ARFGEF1: variants seen among roughly 807,000 people sequenced by gnomAD.
The protein encoded by ARFGEF1 is brefeldin A-inhibited guanine nucleotide-exchange protein 1.
A neutral mutation model predicts 231.0 loss-of-function variants in ARFGEF1; 42 were observed. The observed-to-expected ratio is 0.18, with a 90% CI of 0.14 to 0.24. The LOEUF is 0.24. ARFGEF1 is among the 10% of genes least tolerant of loss of function. The pLI, the probability that ARFGEF1 is intolerant of heterozygous loss-of-function variation, is 1.00. For missense variants in ARFGEF1, 1,345 were observed against 2,192.0 expected, an observed-to-expected ratio of 0.61 and a Z score of 7.72; for synonymous variants, 710 against 732.3, an observed-to-expected ratio of 0.97 and a Z score of 0.49.
chr8:67,275,859 A>ATTT, intron 9 of ARFGEF1, 117 bp downstream of exon 9: 1 of 1,271,122 alleles, frequency 7.9e-7, no homozygotes, highest in Non-Finnish European at 1.1e-6. Flanking sequence ...CCTCCACCCA[A>ATTT]TTTTTTTTTA....
chr8:67,295,252 G>A lies in ARFGEF1; in HGVS notation c.639+1179C>T, dbSNP rs1222846230. Among the ~76,000 whole-genome samples the A allele has an allele frequency of 2.0e-5, 3 of 152,128 alleles. No individual in the cohort carries two copies. The East Asian group carries it at 5.8e-4, about 29-fold the overall frequency. On this transcript the variant is annotated intron_variant, in intron 5 of 38. Transcript: ENST00000262215. ...ACAGATATTAAAACTGAGCAAGTGA[G>A]GGGAGGATCTGAAGAGAAACAGTAT...
chr8:67,226,885 T>G (rs1336986027), intron 27 of ARFGEF1, among the ~76,000 whole-genome samples: 1 of 152,118 alleles, frequency 6.6e-6, no homozygotes, highest in Non-Finnish European at 1.5e-5. Context: ...AAAAAAGGGA[T>G]GGACAATAAT....
intron 5 of ARFGEF1, among the ~76,000 whole-genome samples, chr8:67,191,407 C>A (rs530745593): frequency 2.6e-5 from 4 of 152,288 alleles, no homozygotes; most frequent in African/African-American, 9.6e-5. Flanking sequence ...TTGCTATTAG[C>A]GTTATTATAT....
chr8:67,296,641 A>G, intron 4 of ARFGEF1, 31 bp from the exon 5 acceptor site: 1 of 1,533,322 alleles, frequency 6.5e-7, no homozygotes. Flanking sequence ...AAAGTTAAAG[A>G]GATTTTCTTT....
intron 4 of ARFGEF1, 75 bp downstream of exon 4, chr8:67,299,134 T>C (rs1806367405): frequency 7.7e-7 from 1 of 1,298,548 alleles, no homozygotes; most frequent in East Asian, 2.6e-5. Context: ...TCTTTCCTAA[T>C]GTTTTAAGGT....
In ARFGEF1 at chr8:67,266,877, A is replaced by T; in HGVS notation, c.1920T>A (p.Leu640=). ...TTACAGCTCAAAATATCACCTTACC[A>T]AGAGTTGTCTGGGAGTTGGGATTCA... is the stretch of plus-strand genomic sequence containing the variant. The part of the protein sequence containing the change: ...QYVNPNSQTT[L]GQEKPSEQEM... Residue 640 remains leucine, a splice_region_variant and synonymous_variant, in exon 13 of 39, where the codon CTT becomes CTA. Transcript: ENST00000262215. 2 of 1,610,224 alleles carry T rather than the reference A, an allele frequency of 1.2e-6. No homozygotes were observed. The highest frequency in any genetic ancestry group is 1.7e-6 in the Non-Finnish European group (2 of 1,177,580).
In ARFGEF1 at chr8:67,277,348, T is replaced by G. The variant is rs767508840; in HGVS notation, c.1137A>C (p.Pro379=). The change falls in exon 8 of 39, where the codon CCA becomes CCC. Residue 379 remains proline, a synonymous_variant. Transcript: ENST00000262215. ...AGGATGGTGTATATGCAACAGAAAT[T>G]GGTGTTCCTGGAATTCCATTTGCTT... ...NIQANGIPGT[P]ISVAYTPSLP... 6.2e-7 allele frequency: 1 copy of G among 1,613,632 alleles called. No individual in the cohort carries two copies. The highest frequency in any genetic ancestry group is 8.5e-7 in the Non-Finnish European group (1 of 1,179,810).
In ARFGEF1 at chr8:67,343,451, G is replaced by T. The variant is rs1362396551; in HGVS notation, c.-164C>A. The T allele has an allele frequency of 1.5e-6, 2 of 1,359,886 alleles. No individual in the cohort carries two copies. Among genetic ancestry groups the T allele is most frequent in the Non-Finnish European group, 1.9e-6 (2 of 1,053,182 alleles). The allele number at this position is 1,359,886 out of a possible 1,614,324, so 84.2% of individuals were successfully genotyped here. A position where few individuals can be genotyped will look rare whatever the true frequency, so the allele number is the denominator to read the frequency against. On this transcript the variant is annotated 5_prime_UTR_variant, in exon 1 of 39. Coordinates refer to ENST00000262215, the MANE Select transcript of ARFGEF1 (RefSeq NM_006421.5). Reference sequence around the variant, plus strand: ...GGATCAGGAAGGGGCGGGCGAGCGGGACCAGCCGCGGTGTCGGCGAAGGGC... The same window carrying T: ...GGATCAGGAAGGGGCGGGCGAGCGGTACCAGCCGCGGTGTCGGCGAAGGGC...
rs759567826 is a variant in ARFGEF1, at chr8:67,285,141, A to T, written c.1027+2814T>A. On this transcript the variant is annotated intron_variant, in intron 7 of 38. Coordinates refer to ENST00000262215, the MANE Select transcript of ARFGEF1 (RefSeq NM_006421.5). ...GTGGGAGAGCTCTTCTCTATAGAAA[A>T]ATGTCAATGAATGTTAAGAATTAGA... 2.9e-4 allele frequency among the ~76,000 whole-genome samples: 44 copies of T among 152,100 alleles called. 1 individual carries two copies. The highest frequency in any genetic ancestry group is 4.4e-5 in the Non-Finnish European group (3 of 68,010).
At chr8:67,334,062 G>C (rs995894989) in intron 1 of ARFGEF1, among the ~76,000 whole-genome samples, 3 of 151,162 alleles carry the variant, frequency 2.0e-5, no homozygotes, top group African/African-American at 7.3e-5. Context: ...CTTGAACCTG[G>C]GAAGCGGAAG....
At chr8:67,337,736 T>C (rs1444907814) in intron 1 of ARFGEF1, among the ~76,000 whole-genome samples, 1 of 152,218 alleles carries the variant, frequency 6.6e-6, no homozygotes, top group African/African-American at 2.4e-5. Context: ...CAGATAGGAC[T>C]TTCCTGACAA....
intron 19 of ARFGEF1, among the ~76,000 whole-genome samples, chr8:67,242,505 T>TAAAGAGC (rs1405191665): frequency 6.6e-6 from 1 of 152,032 alleles, no homozygotes; most frequent in Non-Finnish European, 1.5e-5. Context: ...ACAGGATCCC[T>TAAAGAGC]TATTTGCTGA....
chr8:67,238,063 A>T (rs1213756450), intron 22 of ARFGEF1, among the ~76,000 whole-genome samples: 1 of 152,188 alleles, frequency 6.6e-6, no homozygotes, highest in African/African-American at 2.4e-5. Flanking sequence ...GCTTTCACAC[A>T]TTCAAGTTAC....
chr8:67,194,540 A>G (rs936104539), downstream of ARFGEF1, among the ~76,000 whole-genome samples: 2 of 152,190 alleles, frequency 1.3e-5, no homozygotes, highest in African/African-American at 4.8e-5. Context: ...TAACAGGAAT[A>G]TATTTGAGGG....
At chr8:67,299,929 A>T (rs975252505) in intron 3 of ARFGEF1, among the ~76,000 whole-genome samples, 2 of 152,080 alleles carry the variant, frequency 1.3e-5, no homozygotes, top group African/African-American at 4.8e-5. Flanking sequence ...AGCCTGCGCC[A>T]CTGCACTCCA....
At chr8:67,300,895 ATGG>A (rs1333621103) in intron 3 of ARFGEF1, among the ~76,000 whole-genome samples, 1 of 151,936 alleles carries the variant, frequency 6.6e-6, no homozygotes, top group Non-Finnish European at 1.5e-5. Flanking sequence ...TTATTTGCAA[ATGG>A]TGATGTATGT....
chr8:67,315,397 C>T (rs545600798), intron 1 of ARFGEF1, among the ~76,000 whole-genome samples: 24 of 152,210 alleles, frequency 1.6e-4, no homozygotes, highest in African/African-American at 4.8e-4. Context: ...CACCATCAAT[C>T]GGCAGGGTAT....
chr8:67,239,038 ACCCTGTC>A, intron 20 of ARFGEF1, 145 bp from the exon 21 acceptor site: 1 of 644,698 alleles, frequency 1.6e-6, no homozygotes, highest in Non-Finnish European at 2.3e-6. Context: ...ACAGAGTCTC[ACCCTGTC>A]GCCCAGGCTG....
chr8:67,329,089 GCTGGCATGTGCCTGTAATCCCA>G (rs1323899295), intron 1 of ARFGEF1, among the ~76,000 whole-genome samples: 1 of 152,026 alleles, frequency 6.6e-6, no homozygotes, highest in African/African-American at 2.4e-5. Context: ...AGCCAGGCAT[GCTGGCATGTGCCTGTAATCCCA>G]GCTACCTGGG....
Sources: allele counts gnomAD v4.1 joint callset (sites outside exome capture counted in the v4.1 genomes callset), GRCh38; gene constraint gnomAD v4.1.1; transcripts MANE v1.5; gene names NCBI Gene and HGNC (gene_info 2026-07-23, HGNC 2026-07-21).